The following SLC24A2 variants were observed in gnomAD, a reference collection of about 807,000 sequenced individuals.
SLC24A2 encodes solute carrier family 24 member 2.
Under a neutral mutation model 62.0 loss-of-function variants are expected in SLC24A2, and 36 were observed. The ratio of observed to expected loss-of-function variants is 0.58; its 90% CI spans 0.44 to 0.77. SLC24A2 has a LOEUF of 0.77. Ranked by LOEUF, SLC24A2 falls within the 30% of genes least tolerant of loss-of-function variation. The pLI is 0.00. For missense variants in SLC24A2, 846 were observed against 817.9 expected (o/e 1.03, Z -0.42); for synonymous variants, 358 against 294.0 (o/e 1.22, Z -2.23).
the SLC24A2 span, among the ~76,000 whole-genome samples, chr9:20,213,204 T>G: frequency 6.6e-6 from 1 of 151,720 alleles, no homozygotes; most frequent in Admixed American, 6.6e-5. Flanking sequence ...GAAAATAAAT[T>G]CCACCCATTT....
the SLC24A2 span, among the ~76,000 whole-genome samples, chr9:20,079,796 G>C: frequency 2.0e-5 from 3 of 152,144 alleles, no homozygotes; most frequent in African/African-American, 7.2e-5. Flanking sequence ...CTGAGACTTG[G>C]CTGAAGTTGC....
At chr9:20,100,711 T>G in the SLC24A2 span, among the ~76,000 whole-genome samples, 1 of 152,220 alleles carries the variant, frequency 6.6e-6, no homozygotes, top group Non-Finnish European at 1.5e-5. Flanking sequence ...AAATATTTAT[T>G]TTTACTACAA....
chr9:20,229,151 A>T, the SLC24A2 span, among the ~76,000 whole-genome samples: 1 of 152,150 alleles, frequency 6.6e-6, no homozygotes, highest in Non-Finnish European at 1.5e-5. Context: ...ATCACAGCTC[A>T]TCACTTTCCT....
chr9:19,873,007 G>A, the SLC24A2 span, among the ~76,000 whole-genome samples: 2 of 152,100 alleles, frequency 1.3e-5, no homozygotes, highest in African/African-American at 4.8e-5. Flanking sequence ...GTAAGAAGAA[G>A]AAGAATGATT....
intron 2 of SLC24A2, among the ~76,000 whole-genome samples, chr9:19,688,420 C>A (rs1819948313): frequency 1.3e-5 from 2 of 152,094 alleles, no homozygotes; most frequent in Admixed American, 1.3e-4. Context: ...GGTAGACTTA[C>A]TACACATTTG....
rs534720029 is a variant in SLC24A2 at position 19,683,632 on chromosome 9, T to C, written c.931-61333A>G. ...CACTAACACAACAATATTTAGTTCA[T>C]TTTCCCACTTATTTTAAATGGAGGC... On this transcript the variant is annotated intron_variant, in intron 2 of 10. Coordinates refer to ENST00000341998, the MANE Select transcript of SLC24A2 (RefSeq NM_020344.4). 7.2e-5 allele frequency among the ~76,000 whole-genome samples: 11 copies of C among 152,166 alleles called. No homozygotes were observed. In the East Asian group the frequency reaches 2.1e-3, roughly 29 times the overall value.
chr9:19,550,948 C>G (rs567854874), intron 7 of SLC24A2, among the ~76,000 whole-genome samples: 2 of 152,164 alleles, frequency 1.3e-5, no homozygotes, highest in Non-Finnish European at 2.9e-5. Context: ...GCCTCCATCA[C>G]CTTGAGTGTT....
intron 2 of SLC24A2, among the ~76,000 whole-genome samples, chr9:19,707,883 T>C (rs1215246156): frequency 5.9e-5 from 9 of 152,150 alleles, no homozygotes; most frequent in Admixed American, 2.6e-4. Flanking sequence ...CTATTCAACA[T>C]AGTGTTGGAA....
In SLC24A2 at chr9:19,622,350, A is replaced by C. The variant is rs1368878120; in HGVS notation, c.931-51T>G. 2.0e-6 allele frequency: 3 copies of C among 1,521,598 alleles called. No homozygotes were observed. The East Asian group carries it at 6.8e-5, about 34-fold the overall frequency. 94.3% of individuals were successfully genotyped at this position (1,521,598 alleles called of 1,614,324 possible). ...AAAAGACAAAGAAATAAATAAATGA[A>C]GAATCACATATGGCATTTACATTTA... On this transcript the variant is annotated intron_variant, in intron 2 of 10. Transcript: ENST00000341998.
the SLC24A2 span, among the ~76,000 whole-genome samples, chr9:20,291,667 G>A: frequency 6.6e-6 from 1 of 152,132 alleles, no homozygotes; most frequent in African/African-American, 2.4e-5. Context: ...TCACCTTCTT[G>A]TTTTGTTTCC....
the SLC24A2 span, among the ~76,000 whole-genome samples, chr9:20,119,277 A>C: frequency 1.3e-5 from 2 of 152,154 alleles, no homozygotes; most frequent in African/African-American, 4.8e-5. Context: ...GACTATGGCC[A>C]GCTCTTGACT....
Position 19,544,857 on chromosome 9 carries a change from C to A in SLC24A2, c.1479+5280G>T, listed in dbSNP as rs1185704943. Reference sequence around the variant, plus strand: ...GACCTTTCTCTCTGGCTGCCCTTAACAATTTTTCCTTCATTTCAACTTTGG... The same window carrying A: ...GACCTTTCTCTCTGGCTGCCCTTAAAAATTTTTCCTTCATTTCAACTTTGG... On this transcript the variant is annotated intron_variant, in intron 8 of 10. Transcript: ENST00000341998. Among the ~76,000 whole-genome samples the A allele has an allele frequency of 4.6e-5, 7 of 152,172 alleles. No homozygotes were observed. The East Asian group carries it at 1.2e-3, about 25-fold the overall frequency.
chr9:20,114,078 G>C, the SLC24A2 span, among the ~76,000 whole-genome samples: 1 of 152,152 alleles, frequency 6.6e-6, no homozygotes, highest in African/African-American at 2.4e-5. Context: ...AGACAGGCTT[G>C]GGAGTTCTGA....
intron 6 of SLC24A2, among the ~76,000 whole-genome samples, chr9:19,574,417 C>T (rs923646259): frequency 2.6e-5 from 4 of 152,064 alleles, no homozygotes; most frequent in African/African-American, 9.7e-5. Flanking sequence ...ACAGGCCTGG[C>T]TTCATATTCT....
chr9:19,550,260 A>C lies in SLC24A2; in HGVS notation c.1356T>G (p.Asp452Glu). Residue 452 changes from aspartate (D) to glutamate (E), a missense_variant, in exon 8 of 11, where the codon GAT (aspartate) becomes GAG (glutamate). Transcript: ENST00000341998. ...GGCTGAGAGGCTGGTCCTCCTCCTC[A>C]TCAGCGGTCTGTGGTAGAAAAAGAG... ...NIEGAEAQTA[D>E]EEEDQPLSLA... The C allele has an allele frequency of 6.2e-7, 1 of 1,614,106 alleles. No individual in the cohort carries two copies. The highest frequency in any genetic ancestry group is 8.5e-7 in the Non-Finnish European group (1 of 1,179,986).
In SLC24A2 at chr9:19,509,470, A is replaced by G. The variant is rs965926081; in HGVS notation, c.*6683T>C. 6.6e-6 allele frequency: 1 copy of G among 152,176 alleles called. No individual in the cohort carries two copies. Among genetic ancestry groups the G allele is most frequent in the African/African-American group, 2.4e-5 (1 of 41,460 alleles). The allele number at this position is 152,176 out of a possible 1,614,324, so 9.4% of individuals were successfully genotyped here. A position where few individuals can be genotyped will look rare whatever the true frequency, so the allele number is the denominator to read the frequency against. ...TGCTTATTGATTGACTATATTCAGA[A>G]GCCCTGAATATATGTATTATTGGTA... On this transcript the variant is annotated 3_prime_UTR_variant, in exon 11 of 11. Coordinates refer to ENST00000341998, the MANE Select transcript of SLC24A2 (RefSeq NM_020344.4).
chr9:19,965,540 T>G, the SLC24A2 span, among the ~76,000 whole-genome samples: 1 of 152,210 alleles, frequency 6.6e-6, no homozygotes, highest in Non-Finnish European at 1.5e-5. Flanking sequence ...TAGCAAGTTG[T>G]TTAATGTTGC....
intron 4 of SLC24A2, among the ~76,000 whole-genome samples, chr9:19,618,938 T>C (rs1280997584): frequency 6.6e-6 from 1 of 152,228 alleles, no homozygotes; most frequent in Non-Finnish European, 1.5e-5. Context: ...GGCCTCATTG[T>C]GACTGAGTAA....
At chr9:20,063,285 A>G in the SLC24A2 span, among the ~76,000 whole-genome samples, 1 of 151,294 alleles carries the variant, frequency 6.6e-6, no homozygotes, top group Non-Finnish European at 1.5e-5. Context: ...AATGTGGCAC[A>G]TATACACCAT....
Sources: gnomAD v4.1 joint callset for allele counts (sites outside exome capture counted in the v4.1 genomes callset) on GRCh38, gnomAD v4.1.1 for gene constraint, MANE v1.5 for transcripts, NCBI Gene and HGNC (gene_info 2026-07-23, HGNC 2026-07-21) for gene names.